LTBR: variants seen among roughly 807,000 people sequenced by gnomAD.
LTBR encodes lymphotoxin beta receptor, also known as tumor necrosis factor receptor superfamily member 3.
In LTBR, 15 loss-of-function variants were observed where a neutral mutation model predicts 45.4. That is an observed-to-expected ratio of 0.33 (90% CI 0.22 to 0.51). The LOEUF is 0.51. Ranked by LOEUF, LTBR falls within the 20% of genes least tolerant of loss-of-function variation. The pLI is 0.97. For synonymous variants in LTBR, 228 were observed against 231.0 expected, an observed-to-expected ratio of 0.99 and a Z score of 0.12; for missense variants, 450 against 565.5, an observed-to-expected ratio of 0.80 and a Z score of 2.07.
At chr12:6,377,690 T>C (rs1948933786) in intron 1 of LTBR, 1 of 1,296,048 alleles carries the variant, frequency 7.7e-7, no homozygotes, top group African/African-American at 1.5e-5. Context: ...CTCCCTGCAA[T>C]AAGGTGCTCA....
chr12:6,384,765 G>A, intron 2 of LTBR, 81 bp downstream of exon 2: 3 of 1,335,328 alleles, frequency 2.2e-6, no homozygotes, highest in Non-Finnish European at 3.2e-6. Context: ...TCAGAGGGAA[G>A]GTGGGCACTG....
At chr12:6,377,670 G>A (rs999428850) in intron 1 of LTBR, 2 of 1,301,618 alleles carry the variant, frequency 1.5e-6, no homozygotes, top group Non-Finnish European at 2.0e-6. Context: ...TCCTTACATT[G>A]GGCATGGTCC....
In LTBR at chr12:6,390,821, G is replaced by A. The variant is rs3764872; in HGVS notation, c.1192G>A (p.Gly398Arg). 39 of 1,611,344 alleles carry A rather than the reference G, an allele frequency of 2.4e-5. No homozygotes were observed. In the East Asian group the frequency reaches 3.3e-4, roughly 14 times the overall value. Reference sequence around the variant, plus strand: ...CGAAGAGGGGGACCCTGGCCCTCCCGGGCTCTCTACACCCCACCAGGAAGA... The same window carrying A: ...CGAAGAGGGGGACCCTGGCCCTCCCAGGCTCTCTACACCCCACCAGGAAGA... ...IPEEGDPGPP[G>R]LSTPHQEDGK... The change falls in exon 10 of 10, where the codon GGG becomes AGG. Residue 398 changes from glycine to arginine, a missense_variant. Around this residue, in one of 3 missense-constraint regions of LTBR, gnomAD observed 71 missense variants for 90.4 expected, o/e 0.79. Coordinates refer to ENST00000228918, the MANE Select transcript of LTBR (RefSeq NM_002342.3).
chr12:6,390,514 G>T (rs575972291), intron 9 of LTBR, 146 bp from the exon 10 acceptor site: 223 of 1,034,036 alleles, frequency 2.2e-4, no homozygotes, highest in Admixed American at 2.8e-4. Flanking sequence ...CAGAAGCAGA[G>T]AAATGAACAC....
chr12:6,382,181 G>T (rs1182298835), upstream of LTBR, among the ~76,000 whole-genome samples: 1 of 152,082 alleles, frequency 6.6e-6, no homozygotes, highest in Non-Finnish European at 1.5e-5. Context: ...ATAGAATAGA[G>T]AAAGAGTCCC....
intron 1 of LTBR, chr12:6,376,202 G>A: frequency 1.0e-6 from 1 of 984,974 alleles, no homozygotes; most frequent in Non-Finnish European, 1.2e-6. Flanking sequence ...CACTCAGGTG[G>A]GATGCGTCTG....
Position 6,384,338 on chromosome 12 carries a change from C to A in LTBR, c.-21C>A. 1 of 1,471,712 alleles carries A rather than the reference C, an allele frequency of 6.8e-7. No homozygotes were observed. Among genetic ancestry groups the A allele is most frequent in the Non-Finnish European group, 9.0e-7 (1 of 1,116,688 alleles). 91.2% of individuals were successfully genotyped at this position (1,471,712 alleles called of 1,614,324 possible). A position where few individuals can be genotyped will look rare whatever the true frequency, so the allele number is the denominator to read the frequency against. On this transcript the variant is annotated 5_prime_UTR_variant, in exon 1 of 10. Transcript: ENST00000228918. ...TCCTCCCAGGCCCCCACGTTGCTGG[C>A]CGCCTGGCCGAGTGGCCGCCATGCT...
rs1565494189 is a variant in LTBR at position 6,386,088 on chromosome 12, C to A, written c.495C>A (p.Asn165Lys). The change falls in exon 5 of 10, where the codon AAC (asparagine) becomes AAA (lysine). Residue 165 changes from asparagine to lysine, a missense_variant. Asn to Lys is a moderately conservative substitution (Grantham distance 94). Around this residue, in one of 3 missense-constraint regions of LTBR, gnomAD observed 367 missense variants for 435.4 expected, o/e 0.84. Coordinates refer to ENST00000228918, the MANE Select transcript of LTBR (RefSeq NM_002342.3). This position sits in a 1 kb window ranked among gnomAD's most constrained non-coding sequence, Gnocchi z 4.1. ...CAGATGAAGTTGGGAAGGGTAACAA[C>A]CACTGCGTCCCCTGCAAGGCCGGGC... ...ELKDEVGKGNNHCVPCKAGHF... is the reference protein window; with the variant it reads ...ELKDEVGKGNKHCVPCKAGHF... 4 of 1,613,858 alleles carry A rather than the reference C, an allele frequency of 2.5e-6. No individual in the cohort carries two copies. In the African/African-American group the frequency reaches 5.3e-5, roughly 22 times the overall value.
Position 6,377,111 on chromosome 12 carries a change from C to T in LTBR, c.39+1517C>T, listed in dbSNP as rs1431598465. ...GAATCTTGACAAGCAAGGAGTTTAG[C>T]AGGCAAAGAAGAGAAAAGGCAGTAC... On this transcript the variant is annotated intron_variant, in intron 1 of 9. Transcript: ENST00000539925. The T allele has an allele frequency of 9.9e-5, 62 of 625,372 alleles. No homozygotes were observed. The South Asian group carries it at 1.4e-3, about 14-fold the overall frequency. The allele number at this position is 625,372 out of a possible 1,614,324, so 38.7% of individuals were successfully genotyped here. A position where few individuals can be genotyped will look rare whatever the true frequency, so the allele number is the denominator to read the frequency against.
upstream of LTBR, among the ~76,000 whole-genome samples, chr12:6,379,497 A>G (rs1373513318): frequency 6.6e-6 from 1 of 152,168 alleles, no homozygotes; most frequent in Non-Finnish European, 1.5e-5. Context: ...TAGCCACTTC[A>G]CACTGGGGGC....
chr12:6,384,824 A>C, intron 2 of LTBR, 140 bp downstream of exon 2: 1 of 1,011,756 alleles, frequency 9.9e-7, no homozygotes, highest in Non-Finnish European at 1.5e-6. Context: ...AACCCTGGAC[A>C]TCACGTGGAG....
At position 6,388,317 on chromosome 12, in the gene LTBR, G is replaced by C; in HGVS notation, c.668-81G>C. On this transcript the variant is annotated intron_variant, in intron 6 of 9. Transcript: ENST00000228918. This position sits in a 1 kb window ranked among gnomAD's most constrained non-coding sequence, Gnocchi z 4.3. The stretch of plus-strand genomic sequence containing the variant: ...CTTTTCTCTGTCTGGGTTGCCCAGG[G>C]ATCTGGAAAGCTCTTCCTTCTCCTC... The C allele has an allele frequency of 9.4e-7, 1 of 1,059,380 alleles. No homozygotes were observed. Among genetic ancestry groups the C allele is most frequent in the African/African-American group, 1.6e-5 (1 of 64,370 alleles). The allele number at this position is 1,059,380 out of a possible 1,614,324, so 65.6% of individuals were successfully genotyped here. A position where few individuals can be genotyped will look rare whatever the true frequency, so the allele number is the denominator to read the frequency against.
Position 6,384,386 on chromosome 12 carries a change from C to A in LTBR, c.28C>A (p.Pro10Thr), listed in dbSNP as rs1166220675. 2.0e-6 allele frequency: 3 copies of A among 1,537,064 alleles called. No individual in the cohort carries two copies. Among genetic ancestry groups the A allele is most frequent in the African/African-American group, 2.7e-5 (2 of 73,160 alleles). ...GCTCCTGCCTTGGGCCACCTCTGCC[C>A]CCGGCCTGGCCTGGGGGCCTCTGGT... The part of the protein sequence containing the change: MLLPWATSA[P>T]GLAWGPLVLG... Residue 10 changes from proline to threonine, a missense_variant, in exon 1 of 10, where the codon CCC becomes ACC. By Grantham distance (38) the Pro-to-Thr change is conservative. Coordinates refer to ENST00000228918, the MANE Select transcript of LTBR (RefSeq NM_002342.3).
chr12:6,388,949 A>G lies in LTBR; in HGVS notation c.801+124A>G. On this transcript the variant is annotated intron_variant, in intron 8 of 9. Transcript: ENST00000228918. The surrounding 1 kb of genome is among the most constrained non-coding windows in gnomAD (Gnocchi z 4.3). ...CATTCATTCATTCAACTGATGATTT[A>G]CTGAACATGCCACGTACCAGGCACT... 8.1e-7 allele frequency: 1 copy of G among 1,233,484 alleles called. No homozygotes were observed. The highest frequency in any genetic ancestry group is 1.3e-5 in the South Asian group (1 of 77,154). The allele number at this position is 1,233,484 out of a possible 1,614,324, so 76.4% of individuals were successfully genotyped here. A position where few individuals can be genotyped will look rare whatever the true frequency, so the allele number is the denominator to read the frequency against.
In LTBR at chr12:6,388,901, A is replaced by G. The variant is rs1949079475; in HGVS notation, c.801+76A>G. The G allele has an allele frequency of 1.3e-6, 2 of 1,550,242 alleles. No homozygotes were observed. Among genetic ancestry groups the G allele is most frequent in the Middle Eastern group, 1.7e-4 (1 of 5,946 alleles). Reference sequence around the variant, plus strand: ...TACAAGGTGGAGCAGACAGGAAGAGAGTATGCAGGCTGACTCCACACTCAT... The same window carrying G: ...TACAAGGTGGAGCAGACAGGAAGAGGGTATGCAGGCTGACTCCACACTCAT... On this transcript the variant is annotated intron_variant, in intron 8 of 9. Coordinates refer to ENST00000228918, the MANE Select transcript of LTBR (RefSeq NM_002342.3). This position sits in a 1 kb window ranked among gnomAD's most constrained non-coding sequence, Gnocchi z 4.3.
Position 6,375,500 on chromosome 12 carries a change from C to G in LTBR, c.-56C>G, listed in dbSNP as rs13306617. Reference sequence around the variant, plus strand: ...TCTGGCAGCCAAACCTCTCCTCCCCCTCACCTGACAGGTGCAGCGGCCTGG... The same window carrying G: ...TCTGGCAGCCAAACCTCTCCTCCCCGTCACCTGACAGGTGCAGCGGCCTGG... On this transcript the variant is annotated 5_prime_UTR_variant, in exon 1 of 10. Transcript: ENST00000539925. 20,306 of 1,535,550 alleles carry G rather than the reference C, an allele frequency of 0.013. 827 individuals carry two copies. The East Asian group carries it at 0.15, about 12-fold the overall frequency.
chr12:6,382,524 G>A (rs550246448), upstream of LTBR, among the ~76,000 whole-genome samples: 34 of 152,330 alleles, frequency 2.2e-4, no homozygotes, highest in African/African-American at 7.9e-4. Context: ...CCAGCCCCCA[G>A]CGCTAGGGCC....
At chr12:6,377,663 T>C in intron 1 of LTBR, 1 of 1,303,918 alleles carries the variant, frequency 7.7e-7, no homozygotes. Context: ...AGCCAGGTCC[T>C]TACATTGGGC....
Position 6,384,258 on chromosome 12 carries a change from C to A in LTBR, c.-101C>A, listed in dbSNP as rs575462876. 1 of 1,416,508 alleles carries A rather than the reference C, an allele frequency of 7.1e-7. No individual in the cohort carries two copies. The highest frequency in any genetic ancestry group is 3.0e-5 in the Admixed American group (1 of 33,368). The allele number at this position is 1,416,508 out of a possible 1,614,324, so 87.7% of individuals were successfully genotyped here. ...CATCGGCCCTGAGTCCCGTCCCAGGCTCTGGGCTCGGGCAGCCGCCGCCAC... is the reference window on the plus strand; with the variant it reads ...CATCGGCCCTGAGTCCCGTCCCAGGATCTGGGCTCGGGCAGCCGCCGCCAC... On this transcript the variant is annotated 5_prime_UTR_variant, in exon 1 of 10. Transcript: ENST00000228918.
Sources: allele counts gnomAD v4.1 joint callset (sites outside exome capture counted in the v4.1 genomes callset), GRCh38; gene constraint gnomAD v4.1.1; regional missense constraint gnomAD v4.1.1; non-coding constraint Gnocchi (gnomAD v3.1); transcripts MANE v1.5; gene names NCBI Gene and HGNC (gene_info 2026-07-23, HGNC 2026-07-21).